The following IDH3G variants were observed in gnomAD, a reference collection of about 807,000 sequenced individuals.
IDH3G encodes isocitrate dehydrogenase (NAD(+)) 3 non-catalytic subunit gamma, also known as isocitrate dehydrogenase [NAD] subunit gamma, mitochondrial.
A neutral mutation model predicts 26.9 loss-of-function variants in IDH3G; 9 were observed. The ratio of observed to expected loss-of-function variants is 0.34; its 90% CI spans 0.20 to 0.58. IDH3G has a LOEUF of 0.58. Ranked by LOEUF, IDH3G falls within the 20% of genes least tolerant of loss-of-function variation. The pLI is 0.85. For synonymous variants in IDH3G, 181 were observed against 160.0 expected (o/e 1.13, Z -0.99); for missense variants, 250 against 372.8 (o/e 0.67, Z 2.71).
intron 8 of IDH3G, 109 bp downstream of exon 8, chrX:153,787,355 G>A (rs1192743579): frequency 3.0e-6 from 3 of 1,016,348 alleles, no homozygotes; most frequent in East Asian, 3.1e-5. Flanking sequence ...CGCCTAGGGT[G>A]GCACCTCGGT....
intron 10 of IDH3G, 53 bp from the exon 11 acceptor site, chrX:153,786,502 G>A: frequency 1.1e-6 from 1 of 951,098 alleles, no homozygotes; most frequent in East Asian, 3.4e-5. Flanking sequence ...ATGCCGGGCA[G>A]TGACTCTGCT....
chrX:153,786,236 G>A lies in IDH3G; in HGVS notation c.1056C>T (p.Val352=), dbSNP rs1557069127. The part of the protein sequence containing the change: ...HSYATSIRKA[V]LASMDNENMH... ...CATTCTCATTGTCCATGGATGCCAG[G>A]ACAGCCTTACGGATGGAGGTGGCAT... Residue 352 remains valine, a synonymous_variant, in exon 12 of 13, where the codon GTC becomes GTT. Coordinates refer to ENST00000217901, the MANE Select transcript of IDH3G (RefSeq NM_004135.4). 2 of 1,208,458 alleles carry A rather than the reference G, an allele frequency of 1.7e-6. No homozygotes were observed. Among genetic ancestry groups the A allele is most frequent in the Non-Finnish European group, 2.2e-6 (2 of 893,161 alleles).
intron 1 of IDH3G, among the ~76,000 whole-genome samples, chrX:153,792,550 G>A (rs782239154): frequency 3.6e-5 from 4 of 112,354 alleles, no homozygotes; most frequent in African/African-American, 1.3e-4. Context: ...GGGAGGTCAC[G>A]GGTGGACCCC....
Position 153,785,804 on chromosome X carries a change from A to C in IDH3G, c.*68T>G. The C allele has an allele frequency of 8.7e-7, 1 of 1,146,690 alleles. No homozygotes were observed. Among genetic ancestry groups the C allele is most frequent in the South Asian group, 1.8e-5 (1 of 54,482 alleles). The allele number at this position is 1,146,690 out of a possible 1,213,427, so 94.5% of individuals were successfully genotyped here. A position where few individuals can be genotyped will look rare whatever the true frequency, so the allele number is the denominator to read the frequency against. Reference sequence around the variant, plus strand: ...TGCTTTATTCTGGGATCTGCGTACCAGGCTGGCTGGGGTGCTGGAGTGGGA... The same window carrying C: ...TGCTTTATTCTGGGATCTGCGTACCCGGCTGGCTGGGGTGCTGGAGTGGGA... On this transcript the variant is annotated 3_prime_UTR_variant, in exon 13 of 13. Transcript: ENST00000217901.
chrX:153,791,746 A>G (rs1309321467), intron 1 of IDH3G, among the ~76,000 whole-genome samples: 1 of 112,615 alleles, frequency 8.9e-6, no homozygotes, highest in African/African-American at 3.2e-5. Flanking sequence ...GCCATTGGCC[A>G]AAGAGCCATG....
intron 1 of IDH3G, chrX:153,792,178 C>T (rs2092111452): frequency 9.0e-6 from 1 of 111,613 alleles, no homozygotes; most frequent in Admixed American, 9.5e-5. Context: ...CCTCCTCAAC[C>T]CCTGAGCCCG....
At chrX:153,786,018 C>T in intron 12 of IDH3G, 45 bp from the exon 13 acceptor site, 2 of 1,210,483 alleles carry the variant, frequency 1.7e-6, no homozygotes, top group Non-Finnish European at 1.1e-6. Flanking sequence ...CCCTGCCACC[C>T]CCCGCTGTCT....
chrX:153,785,963 G>C lies in IDH3G; in HGVS notation c.1091C>G (p.Pro364Arg). 1 of 1,210,978 alleles carries C rather than the reference G, an allele frequency of 8.3e-7. No individual in the cohort carries two copies. The highest frequency in any genetic ancestry group is 1.1e-6 in the Non-Finnish European group (1 of 895,127). ...ASMDNENMHT[P>R]DIGGQGTTSE... Reference sequence around the variant, plus strand: ...TGTTGTGCCCTGGCCCCCGATGTCCGGAGTGTGCATCTGTAGGACACAGGC... The same window carrying C: ...TGTTGTGCCCTGGCCCCCGATGTCCCGAGTGTGCATCTGTAGGACACAGGC... The change falls in exon 13 of 13, where the codon CCG (proline) becomes CGG (arginine). Residue 364 changes from proline (P) to arginine (R), a missense_variant. By Grantham distance (103) the Pro-to-Arg change is moderately radical. Transcript: ENST00000217901.
chrX:153,790,430 G>C, intron 3 of IDH3G, 134 bp downstream of exon 3: 1 of 874,776 alleles, frequency 1.1e-6, no homozygotes, highest in Non-Finnish European at 1.6e-6. Context: ...TGCCAACTTG[G>C]GGCAGCCCCG....
intron 1 of IDH3G, among the ~76,000 whole-genome samples, chrX:153,791,728 G>A (rs1297455883): frequency 8.9e-6 from 1 of 112,611 alleles, no homozygotes; most frequent in Admixed American, 9.3e-5. Context: ...AATGGCAGAA[G>A]CATCATAGCC....
intron 4 of IDH3G, 172 bp from the exon 5 acceptor site, chrX:153,789,996 A>G: frequency 2.1e-6 from 1 of 480,113 alleles, no homozygotes; most frequent in Admixed American, 3.2e-5. Context: ...TCCACAATGC[A>G]CACTGTGGCA....
chrX:153,786,798 C>CA lies in IDH3G; in HGVS notation c.924+2dup. Reference sequence around the variant, plus strand: ...AAGCCGCGGCACTGCCACCGGCACTCACTGTTTCAAACACCGCGTACACAT... The same window carrying CA: ...AAGCCGCGGCACTGCCACCGGCACTCAACTGTTTCAAACACCGCGTACACAT... On this transcript the variant is annotated splice_region_variant and intron_variant, in intron 10 of 12. Transcript: ENST00000217901. 8.3e-7 allele frequency: 1 copy of CA among 1,199,444 alleles called. No individual in the cohort carries two copies. Among genetic ancestry groups the CA allele is most frequent in the Non-Finnish European group, 1.1e-6 (1 of 886,479 alleles).
chrX:153,786,715 G>A (rs1017651614), intron 10 of IDH3G, 86 bp downstream of exon 10: 14 of 1,051,440 alleles, frequency 1.3e-5, no homozygotes, highest in East Asian at 6.1e-5. Flanking sequence ...CATTTTGAAC[G>A]GGCTAACCGG....
At chrX:153,786,505 ACT>A (rs2092088613) in intron 10 of IDH3G, 56 bp from the exon 11 acceptor site, 3 of 938,650 alleles carry the variant, frequency 3.2e-6, no homozygotes, top group Admixed American at 5.4e-5. Flanking sequence ...CCGGGCAGTG[ACT>A]CTGCTCCTGT....
At chrX:153,790,497 T>G in intron 3 of IDH3G, 67 bp downstream of exon 3, 5 of 860,039 alleles carry the variant, frequency 5.8e-6, no homozygotes, top group Non-Finnish European at 8.6e-6. Context: ...CACCCCCACC[T>G]GGAATTTAGT....
At chrX:153,792,009 C>G (rs1379830373) in intron 1 of IDH3G, among the ~76,000 whole-genome samples, 2 of 112,457 alleles carry the variant, frequency 1.8e-5, no homozygotes, top group Admixed American at 1.9e-4. Context: ...TAGCGCTTAT[C>G]AACATCTGAA....
chrX:153,790,099 G>T, intron 4 of IDH3G, 96 bp downstream of exon 4: 1 of 706,123 alleles, frequency 1.4e-6, no homozygotes. Flanking sequence ...TCTTGCCATG[G>T]CCTCACCGAG....
rs1461411981 is a variant in IDH3G at position 153,788,105 on chromosome X, G to A, written c.377C>T (p.Pro126Leu). 2.5e-6 allele frequency: 3 copies of A among 1,212,094 alleles called. No individual in the cohort carries two copies. Among genetic ancestry groups the A allele is most frequent in the Non-Finnish European group, 3.4e-6 (3 of 895,515 alleles). ...GATGTTGTTTCGAGATTTGTGCGAC[G>A]GTGGCAGGTTATGGTTGGTTTCGAT... The part of the protein sequence containing the change: ...GNIETNHNLP[P>L]SHKSRNNILR... The change falls in exon 6 of 13, where the codon CCG becomes CTG. Residue 126 changes from proline (P) to leucine (L), a missense_variant. Pro to Leu is a moderately conservative substitution (Grantham distance 98). Around this residue, in one of 2 missense-constraint regions of IDH3G, gnomAD observed 201 missense variants for 331.3 expected, o/e 0.61. Coordinates refer to ENST00000217901, the MANE Select transcript of IDH3G (RefSeq NM_004135.4).
chrX:153,785,905 G>A lies in IDH3G; in HGVS notation c.1149C>T (p.Ile383=). 1 of 1,211,304 alleles carries A rather than the reference G, an allele frequency of 8.3e-7. No individual in the cohort carries two copies. The highest frequency in any genetic ancestry group is 1.7e-5 in the African/African-American group (1 of 57,893). The change falls in exon 13 of 13, where the codon ATC becomes ATT. Residue 383 remains isoleucine (I), a synonymous_variant. Transcript: ENST00000217901. ...CCACGGCCCGGCCGTTGATGACGCG[G>A]ATGTGGCGGATGACGTCCTGGATGG... ...SEAIQDVIRH[I]RVINGRAVEA is the part of the protein sequence containing the mutation.
Sources: allele counts gnomAD v4.1 joint callset (sites outside exome capture counted in the v4.1 genomes callset), GRCh38; gene constraint gnomAD v4.1.1; regional missense constraint gnomAD v4.1.1; transcripts MANE v1.5; gene names NCBI Gene and HGNC (gene_info 2026-07-23, HGNC 2026-07-21).